The following PRTFDC1 variants were observed in gnomAD, a reference collection of about 807,000 sequenced individuals.
PRTFDC1 encodes the protein phosphoribosyl transferase domain containing 1.
Under a neutral mutation model 34.6 loss-of-function variants are expected in PRTFDC1, and 38 were observed. The observed-to-expected ratio is 1.10, with a 90% CI of 0.85 to 1.44. The LOEUF is 1.44. PRTFDC1 is among the 40% of genes most tolerant of loss of function. PRTFDC1 has a pLI of 0.00. For synonymous variants in PRTFDC1, 93 were observed against 98.1 expected (o/e 0.95, Z 0.31); for missense variants, 270 against 283.0 (o/e 0.95, Z 0.33).
intron 1 of PRTFDC1, among the ~76,000 whole-genome samples, chr10:24,947,171 A>G (rs1331345408): frequency 6.6e-6 from 1 of 152,172 alleles, no homozygotes; most frequent in African/African-American, 2.4e-5. Flanking sequence ...AAAGTAGAAG[A>G]AATATATTTC....
chr10:24,860,206 C>T (rs762711397), intron 4 of PRTFDC1, among the ~76,000 whole-genome samples: 1 of 152,010 alleles, frequency 6.6e-6, no homozygotes, highest in African/African-American at 2.4e-5. Context: ...TTGGTGAAAC[C>T]CCGTCTCTAC....
At chr10:24,874,020 G>T (rs1847921467) in intron 3 of PRTFDC1, among the ~76,000 whole-genome samples, 1 of 150,578 alleles carries the variant, frequency 6.6e-6, no homozygotes, top group Admixed American at 6.7e-5. Context: ...CGATCCTCCT[G>T]CCTCAACCTC....
Position 24,865,171 on chromosome 10 carries a change from A to G in PRTFDC1, c.406-6762T>C, listed in dbSNP as rs79793778. Among the ~76,000 whole-genome samples, 431 of 152,212 alleles carry G rather than the reference A, an allele frequency of 2.8e-3. 2 individuals are homozygous for G. Among genetic ancestry groups the G allele is most frequent in the African/African-American group, 9.3e-3 (387 of 41,530 alleles). On this transcript the variant is annotated intron_variant, in intron 4 of 8. Transcript: ENST00000320152. ...ATACATAACATGGAGACTGGCATCT[A>G]GTAGGTACTCAAGAAATACCTGTGT...
At chr10:24,922,630 C>T (rs913623116) in intron 3 of PRTFDC1, among the ~76,000 whole-genome samples, 10 of 152,170 alleles carry the variant, frequency 6.6e-5, no homozygotes, top group African/African-American at 2.4e-4. Context: ...GAGGCCTCCC[C>T]AGCCATATGG....
intron 3 of PRTFDC1, among the ~76,000 whole-genome samples, chr10:24,930,277 G>A (rs1848950968): frequency 6.6e-6 from 1 of 152,162 alleles, no homozygotes; most frequent in Non-Finnish European, 1.5e-5. Flanking sequence ...TAGAGTGAAA[G>A]TTCATGTCTT....
chr10:24,883,818 CTTTTTT>C (rs71399940), intron 3 of PRTFDC1, among the ~76,000 whole-genome samples: 1 of 96,570 alleles, frequency 1.0e-5, no homozygotes. Context: ...CTTAAGAGAC[CTTTTTT>C]TTTTTTTTTT....
intron 3 of PRTFDC1, among the ~76,000 whole-genome samples, chr10:24,933,035 C>T (rs996528623): frequency 6.6e-6 from 1 of 151,902 alleles, no homozygotes; most frequent in Non-Finnish European, 1.5e-5. Context: ...GCAAATAATC[C>T]TGGAATAATC....
At chr10:24,863,390 A>G (rs966589257) in intron 4 of PRTFDC1, among the ~76,000 whole-genome samples, 2 of 152,184 alleles carry the variant, frequency 1.3e-5, no homozygotes, top group Admixed American at 1.3e-4. Flanking sequence ...TTTTATGGCC[A>G]TTCTTGAGAC....
intron 3 of PRTFDC1, among the ~76,000 whole-genome samples, chr10:24,920,573 C>G (rs1043313636): frequency 4.2e-5 from 6 of 144,196 alleles, no homozygotes; most frequent in Admixed American, 3.4e-4. Context: ...AAATAGCTAA[C>G]ACATGTGGGG....
chr10:24,934,576 C>A (rs1455365496), intron 3 of PRTFDC1, among the ~76,000 whole-genome samples: 1 of 152,218 alleles, frequency 6.6e-6, no homozygotes, highest in African/African-American at 2.4e-5. Flanking sequence ...TCCTCCACAA[C>A]TCCTTATCAT....
intron 3 of PRTFDC1, among the ~76,000 whole-genome samples, chr10:24,908,994 G>A (rs533339682): frequency 6.6e-6 from 1 of 152,274 alleles, no homozygotes; most frequent in South Asian, 2.1e-4. Context: ...GTTAAGTGGA[G>A]ATAAGAATAA....
chr10:24,946,658 G>T (rs145570782), intron 1 of PRTFDC1, among the ~76,000 whole-genome samples: 13 of 152,260 alleles, frequency 8.5e-5, no homozygotes, highest in African/African-American at 3.1e-4. Context: ...TATGGCTATG[G>T]TGAGCATTAA....
intron 3 of PRTFDC1, among the ~76,000 whole-genome samples, chr10:24,925,153 G>A (rs560963767): frequency 6.6e-6 from 1 of 152,304 alleles, no homozygotes; most frequent in Non-Finnish European, 1.5e-5. Flanking sequence ...AAAAGGATGA[G>A]TTCATGTCCT....
chr10:24,892,751 C>T (rs940545641), intron 3 of PRTFDC1, among the ~76,000 whole-genome samples: 4 of 151,934 alleles, frequency 2.6e-5, no homozygotes, highest in Non-Finnish European at 4.4e-5. Context: ...TTTCACAAGG[C>T]AAGTGGCAAT....
Position 24,952,474 on chromosome 10 carries a change from T to C in PRTFDC1, c.48+54A>G. ...GCAAGCATTTAATCTACAAGCAGGGTGCCAGGGAGGGAGGGGAGCGGGCCG... is the reference window on the plus strand; with the variant it reads ...GCAAGCATTTAATCTACAAGCAGGGCGCCAGGGAGGGAGGGGAGCGGGCCG... On this transcript the variant is annotated intron_variant, in intron 1 of 8. Transcript: ENST00000320152. This position sits in a 1 kb window ranked among gnomAD's most constrained non-coding sequence, Gnocchi z 5.1. The C allele has an allele frequency of 6.6e-7, 1 of 1,526,328 alleles. No individual in the cohort carries two copies. Among genetic ancestry groups the C allele is most frequent in the African/African-American group, 1.4e-5 (1 of 72,786 alleles). The allele number at this position is 1,526,328 out of a possible 1,614,324, so 94.5% of individuals were successfully genotyped here.
intron 3 of PRTFDC1, among the ~76,000 whole-genome samples, chr10:24,936,817 C>A (rs905158054): frequency 6.6e-6 from 1 of 152,116 alleles, no homozygotes; most frequent in Non-Finnish European, 1.5e-5. Context: ...TCCCATAGGT[C>A]CCCAGGACCC....
chr10:24,923,126 T>C (rs1413984984), intron 3 of PRTFDC1, among the ~76,000 whole-genome samples: 1 of 152,210 alleles, frequency 6.6e-6, no homozygotes, highest in Non-Finnish European at 1.5e-5. Flanking sequence ...GGCTTCAGTA[T>C]GTAAACAAAG....
rs1264994776 is a variant in PRTFDC1 at position 24,937,280 on chromosome 10, G to A, written c.243C>T (p.Phe81=). 5.0e-6 allele frequency: 8 copies of A among 1,613,782 alleles called. No homozygotes were observed. The highest frequency in any genetic ancestry group is 6.8e-6 in the Non-Finnish European group (8 of 1,179,914). The change falls in exon 3 of 9, where the codon TTC becomes TTT. Residue 81 remains phenylalanine (F), a synonymous_variant. Coordinates refer to ENST00000320152, the MANE Select transcript of PRTFDC1 (RefSeq NM_020200.7). ...VLCVLKGGYK[F]CADLVEHLKN... is the part of the protein sequence containing the mutation. ...TAAGGTGTTCTACGAGATCAGCACAGAATTTGTAACCTCCTTTAAGCACAC... is the reference window on the plus strand; with the variant it reads ...TAAGGTGTTCTACGAGATCAGCACAAAATTTGTAACCTCCTTTAAGCACAC...
At chr10:24,862,672 T>C (rs1847701509) in intron 4 of PRTFDC1, among the ~76,000 whole-genome samples, 1 of 152,066 alleles carries the variant, frequency 6.6e-6, no homozygotes, top group East Asian at 1.9e-4. Context: ...GACTGTGGTT[T>C]TTTTTTGTTT....
Sources: gnomAD v4.1 joint callset for allele counts (sites outside exome capture counted in the v4.1 genomes callset) on GRCh38, gnomAD v4.1.1 for gene constraint, Gnocchi (gnomAD v3.1) non-coding constraint, MANE v1.5 for transcripts, NCBI Gene and HGNC (gene_info 2026-07-23, HGNC 2026-07-21) for gene names.